Variants in COL4A1 observed in about 807,000 individuals in gnomAD.
COL4A1 encodes the protein collagen alpha-1(IV) chain.
COL4A1 carries 40 observed loss-of-function variants against 216.6 expected under a neutral mutation model. The observed-to-expected ratio is 0.18, with a 90% confidence interval of 0.14 to 0.24. COL4A1 has a LOEUF of 0.24. COL4A1 is among the 10% of genes least tolerant of loss of function. The pLI is 1.00. For synonymous variants in COL4A1, 839 were observed against 810.7 expected, an observed-to-expected ratio of 1.03 and a Z score of -0.59; for missense variants, 1,628 against 2,196.8, an observed-to-expected ratio of 0.74 and a Z score of 5.18.
chr13:110,295,261 T>TA (rs1415219859), intron 1 of COL4A1, among the ~76,000 whole-genome samples: 2 of 99,054 alleles, frequency 2.0e-5, no homozygotes, highest in East Asian at 4.5e-4. Flanking sequence ...TTTCTTTCTT[T>TA]TTTTTTTTTT....
chr13:110,273,577 G>C (rs188671786), intron 1 of COL4A1, among the ~76,000 whole-genome samples: 1 of 152,100 alleles, frequency 6.6e-6, no homozygotes, highest in Admixed American at 6.5e-5. Flanking sequence ...ACAGTTAACT[G>C]TCTGGTTGGA....
At chr13:110,293,067 C>G (rs1884148377) in intron 1 of COL4A1, among the ~76,000 whole-genome samples, 1 of 152,240 alleles carries the variant, frequency 6.6e-6, no homozygotes, top group South Asian at 2.1e-4. Context: ...TGCAGTCACT[C>G]TCTTTCAACT....
At chr13:110,209,578 C>T (rs951130056) in intron 10 of COL4A1, 151 bp from the exon 11 acceptor site, 5 of 691,578 alleles carry the variant, frequency 7.2e-6, no homozygotes, top group African/African-American at 1.8e-5. Context: ...CTCCCCACTC[C>T]TAGCAGGTGC....
At chr13:110,212,639 G>A (rs768591644) in intron 4 of COL4A1, 21 bp from the exon 5 acceptor site, 2 of 1,613,370 alleles carry the variant, frequency 1.2e-6, no homozygotes, top group East Asian at 4.5e-5. Flanking sequence ...GGAAGTAAAA[G>A]CGTGTCAGTG....
intron 49 of COL4A1, among the ~76,000 whole-genome samples, chr13:110,157,672 C>T (rs1344294085): frequency 6.6e-6 from 1 of 152,190 alleles, no homozygotes; most frequent in African/African-American, 2.4e-5. Flanking sequence ...AGTCCTGGGA[C>T]ATTTCAGGAC....
intron 4 of COL4A1, among the ~76,000 whole-genome samples, chr13:110,213,472 T>C (rs1879917383): frequency 6.6e-6 from 1 of 152,102 alleles, no homozygotes; most frequent in South Asian, 2.1e-4. Context: ...ACATCATCAA[T>C]TGCCCCTTCC....
Position 110,179,565 on chromosome 13 carries a change from C to T in COL4A1, c.2194-144G>A. 3.3e-6 allele frequency: 4 copies of T among 1,209,888 alleles called. No individual in the cohort carries two copies. The East Asian group carries it at 1.0e-4, about 30-fold the overall frequency. The allele number at this position is 1,209,888 out of a possible 1,614,324, so 74.9% of individuals were successfully genotyped here. On this transcript the variant is annotated intron_variant, in intron 29 of 51. Coordinates refer to ENST00000375820, the MANE Select transcript of COL4A1 (RefSeq NM_001845.6). Reference sequence around the variant, plus strand: ...CTGCTCAACCCTTTTCAAGCGTTTGCAAAGCTTCCTCATACCTATTATATC... The same window carrying T: ...CTGCTCAACCCTTTTCAAGCGTTTGTAAAGCTTCCTCATACCTATTATATC...
intron 41 of COL4A1, 127 bp downstream of exon 41, chr13:110,172,593 C>G: frequency 1.1e-6 from 1 of 888,836 alleles, no homozygotes; most frequent in Non-Finnish European, 1.9e-6. Context: ...GGCTCAGCAC[C>G]CATCCTCCAT....
Position 110,212,584 on chromosome 13 carries a change from G to A in COL4A1, c.314C>T (p.Pro105Leu). Reference protein sequence around the residue: ...PPGASGYPGNPGLPGIPGQDG... With the variant: ...PPGASGYPGNLGLPGIPGQDG... ...GTTTTCTATACATACGGGAAGTCCT[G>A]GGTTTCCAGGGTAGCCAGATGCTCC... is the stretch of plus-strand genomic sequence containing the variant. The change falls in exon 5 of 52, where the codon CCA (proline) becomes CTA (leucine). Residue 105 changes from proline to leucine, a missense_variant. By Grantham distance (98) the Pro-to-Leu change is moderately conservative. Coordinates refer to ENST00000375820, the MANE Select transcript of COL4A1 (RefSeq NM_001845.6). 1 of 1,614,170 alleles carries A rather than the reference G, an allele frequency of 6.2e-7. No individual in the cohort carries two copies. The highest frequency in any genetic ancestry group is 8.5e-7 in the Non-Finnish European group (1 of 1,180,040).
At chr13:110,285,799 T>C (rs1883820911) in intron 1 of COL4A1, among the ~76,000 whole-genome samples, 2 of 152,208 alleles carry the variant, frequency 1.3e-5, no homozygotes, top group South Asian at 4.1e-4. Context: ...CCACAGCTTG[T>C]AGACAGCACA....
In COL4A1 at chr13:110,306,927, G is replaced by A; in HGVS notation, c.84+17C>T. On this transcript the variant is annotated intron_variant, in intron 1 of 51. Transcript: ENST00000375820. The stretch of plus-strand genomic sequence containing the variant: ...CTCGGGGCGGGACGCCGGGAGCGGA[G>A]CTGGCCGGGAACTCACCTTCGCAGC... 7 of 1,460,276 alleles carry A rather than the reference G, an allele frequency of 4.8e-6. No individual in the cohort carries two copies. The highest frequency in any genetic ancestry group is 1.3e-5 in the South Asian group (1 of 75,446). The allele number at this position is 1,460,276 out of a possible 1,614,324, so 90.5% of individuals were successfully genotyped here.
chr13:110,182,603 C>G (rs2139169014), intron 28 of COL4A1, among the ~76,000 whole-genome samples: 1 of 152,324 alleles, frequency 6.6e-6, no homozygotes, highest in South Asian at 2.1e-4. Context: ...CCCCTCGGAG[C>G]AAAGGCCCCT....
intron 1 of COL4A1, among the ~76,000 whole-genome samples, chr13:110,306,242 A>G (rs1338478586): frequency 6.6e-6 from 1 of 152,220 alleles, no homozygotes; most frequent in African/African-American, 2.4e-5. Flanking sequence ...AATGACATGG[A>G]GTTTCACTTT....
chr13:110,237,653 C>T (rs1053264718), intron 2 of COL4A1, among the ~76,000 whole-genome samples: 4 of 152,206 alleles, frequency 2.6e-5, no homozygotes, highest in African/African-American at 9.6e-5. Context: ...CAGGCCTGGC[C>T]CAAGATACAG....
chr13:110,246,937 C>T (rs374022767), intron 1 of COL4A1, among the ~76,000 whole-genome samples: 6 of 152,126 alleles, frequency 3.9e-5, no homozygotes, highest in South Asian at 4.2e-4. Context: ...ACTTGGAAGA[C>T]GGGGAATATG....
chr13:110,267,698 T>C (rs564449780), intron 1 of COL4A1, among the ~76,000 whole-genome samples: 1 of 151,896 alleles, frequency 6.6e-6, no homozygotes, highest in South Asian at 2.1e-4. Context: ...TAACATGGAG[T>C]AGATAATAGC....
chr13:110,234,452 C>T (rs979595814), intron 2 of COL4A1, among the ~76,000 whole-genome samples: 4 of 152,150 alleles, frequency 2.6e-5, no homozygotes, highest in African/African-American at 9.6e-5. Context: ...TGGGGGGGTA[C>T]ACGCCTATAA....
rs779433721 is a variant in COL4A1 at position 110,186,376 on chromosome 13, A to G, written c.1897+9T>C. The G allele has an allele frequency of 3.1e-6, 5 of 1,612,842 alleles. No homozygotes were observed. In the South Asian group the frequency reaches 5.5e-5, roughly 18 times the overall value. On this transcript the variant is annotated intron_variant, in intron 26 of 51. Coordinates refer to ENST00000375820, the MANE Select transcript of COL4A1 (RefSeq NM_001845.6). ...CTTCATGCTGCATCACGAGTTTCTCAGGCCTCACCTGGCAGGCCTGGGGAT... is the reference window on the plus strand; with the variant it reads ...CTTCATGCTGCATCACGAGTTTCTCGGGCCTCACCTGGCAGGCCTGGGGAT...
At position 110,252,468 on chromosome 13, in the gene COL4A1, T is replaced by TTATATATACGTATAATTATACGTA. The variant is rs1566415625; in HGVS notation, c.85-9735_85-9734insTACGTATAATTATACGTATATATA. On this transcript the variant is annotated intron_variant, in intron 1 of 51. Coordinates refer to ENST00000375820, the MANE Select transcript of COL4A1 (RefSeq NM_001845.6). ...ACGTATATGTATTATATACATATAA[T>TTATATATACGTATAATTATACGTA]TATATGTATTATATATACGTATAAT... Among the ~76,000 whole-genome samples, 59 of 38,650 alleles carry TTATATATACGTATAATTATACGTA rather than the reference T, an allele frequency of 1.5e-3. 3 individuals are homozygous for TTATATATACGTATAATTATACGTA. Among genetic ancestry groups the TTATATATACGTATAATTATACGTA allele is most frequent in the African/African-American group, 5.6e-3 (56 of 9,928 alleles). The allele number at this position is 38,650 out of a possible 152,430, so 25.4% of individuals were successfully genotyped here.
Sources: allele counts gnomAD v4.1 joint callset (sites outside exome capture counted in the v4.1 genomes callset), GRCh38; gene constraint gnomAD v4.1.1; transcripts MANE v1.5; gene names NCBI Gene and HGNC (gene_info 2026-07-23, HGNC 2026-07-21).